The following HTT variants were observed in gnomAD, a reference collection of about 807,000 sequenced individuals.
HTT encodes huntingtin.
In HTT, 104 loss-of-function variants were observed where a neutral mutation model predicts 362.3. The observed-to-expected ratio is 0.29, with a 90% CI of 0.24 to 0.34. HTT has a LOEUF of 0.34. HTT is among the 10% of genes least tolerant of loss of function. HTT has a pLI of 1.00. For synonymous variants in HTT, 1,577 were observed against 1,548.7 expected (o/e 1.02, Z -0.43); for missense variants, 3,301 against 3,928.6 (o/e 0.84, Z 4.27).
chr4:3,189,644 A>G (rs1718924626), intron 40 of HTT, among the ~76,000 whole-genome samples: 3 of 152,196 alleles, frequency 2.0e-5, no homozygotes, highest in African/African-American at 7.2e-5. Context: ...TTTTTACAAG[A>G]TGAAGAGAGT....
intron 26 of HTT, among the ~76,000 whole-genome samples, chr4:3,153,962 G>A (rs535101366): frequency 2.0e-5 from 3 of 152,124 alleles, no homozygotes; most frequent in East Asian, 1.9e-4. Flanking sequence ...ATGTCATGGC[G>A]TCATGGCCAA....
intron 28 of HTT, among the ~76,000 whole-genome samples, chr4:3,158,186 G>A (rs1717253093): frequency 6.6e-6 from 1 of 152,098 alleles, no homozygotes; most frequent in Non-Finnish European, 1.5e-5. Context: ...GTCTCCCTAA[G>A]TTGCCTGGGC....
chr4:3,161,101 G>A lies in HTT; in HGVS notation c.3864+709G>A, dbSNP rs966393114. The stretch of plus-strand genomic sequence containing the variant: ...CCTCACTCCCCATGGGCCCCGGTGT[G>A]TGATGTTCTCCTCCCTGTGCCCATG... On this transcript the variant is annotated intron_variant, in intron 29 of 66. Transcript: ENST00000355072. Among the ~76,000 whole-genome samples, 3 of 152,158 alleles carry A rather than the reference G, an allele frequency of 2.0e-5. No individual in the cohort carries two copies. The South Asian group carries it at 6.2e-4, about 32-fold the overall frequency.
At chr4:3,143,606 T>A (rs988316603) in intron 23 of HTT, among the ~76,000 whole-genome samples, 16 of 150,272 alleles carry the variant, frequency 1.1e-4, no homozygotes, top group African/African-American at 3.7e-4. Flanking sequence ...TTTTTAATTT[T>A]ATTATTTTTT....
Position 3,216,791 on chromosome 4 carries a change from C to T in HTT, c.7055-974C>T, listed in dbSNP as rs535687824. 4.5e-4 allele frequency among the ~76,000 whole-genome samples: 69 copies of T among 152,096 alleles called. 1 individual carries two copies. The Middle Eastern group carries it at 0.01, about 23-fold the overall frequency. On this transcript the variant is annotated intron_variant, in intron 51 of 66. Transcript: ENST00000355072. Reference sequence around the variant, plus strand: ...CTGTAATCCCAGCACTTTGGGAGGCCGAGGCGGGCGGATCACGAGGTCAGG... The same window carrying T: ...CTGTAATCCCAGCACTTTGGGAGGCTGAGGCGGGCGGATCACGAGGTCAGG...
At chr4:3,237,729 C>A (rs1721607164) in intron 64 of HTT, among the ~76,000 whole-genome samples, 1 of 152,154 alleles carries the variant, frequency 6.6e-6, no homozygotes. Flanking sequence ...TTCGTAGCTG[C>A]TTCCCGTGTG....
In HTT at chr4:3,224,128, A is replaced by G; in HGVS notation, c.7762A>G (p.Thr2588Ala). The stretch of plus-strand genomic sequence containing the variant: ...TGTCCCTTCTCTGTCTCCGGCTACT[A>G]CAGGTACCTGAGGGAAAGGGTGCGG... ...DPVPSLSPAT[T>A]GALISHEKLL... Residue 2588 changes from threonine to alanine, a missense_variant, in exon 56 of 67, where the codon ACA (threonine) becomes GCA (alanine). Physicochemically the swap from Thr to Ala is moderately conservative, Grantham distance 58. Transcript: ENST00000355072. The G allele has an allele frequency of 6.2e-7, 1 of 1,613,882 alleles. No homozygotes were observed. The highest frequency in any genetic ancestry group is 8.5e-7 in the Non-Finnish European group (1 of 1,179,824).
intron 1 of HTT, among the ~76,000 whole-genome samples, chr4:3,079,223 A>C (rs1712752938): frequency 6.7e-6 from 1 of 148,844 alleles, no homozygotes; most frequent in African/African-American, 2.5e-5. Context: ...TACGGTGTTC[A>C]GGGAAGGTCC....
Position 3,189,045 on chromosome 4 carries a change from C to G in HTT, c.5320C>G (p.Gln1774Glu). The G allele has an allele frequency of 1.9e-6, 3 of 1,614,074 alleles. No homozygotes were observed. The highest frequency in any genetic ancestry group is 2.5e-6 in the Non-Finnish European group (3 of 1,179,962). Residue 1774 changes from glutamine (Q) to glutamate (E), a missense_variant, in exon 40 of 67, where the codon CAG (glutamine) becomes GAG (glutamate). Physicochemically the swap from Gln to Glu is conservative, Grantham distance 29. This residue lies in a region of HTT where 2,316 missense variants were observed against 2,658.5 expected (regional missense o/e 0.87). Coordinates refer to ENST00000355072, the MANE Select transcript of HTT (RefSeq NM_001388492.1). ...TGAGCAGCAACATACTTTCTATTGC[C>G]AGGAACTAGGCACACTGCTAATGTG... ...MSEQQHTFYCQELGTLLMCLI... is the reference protein window; with the variant it reads ...MSEQQHTFYCEELGTLLMCLI...
chr4:3,141,549 G>GC (rs1386065665), intron 22 of HTT, among the ~76,000 whole-genome samples: 1 of 152,234 alleles, frequency 6.6e-6, no homozygotes, highest in Non-Finnish European at 1.5e-5. Flanking sequence ...GGTCGCTTGA[G>GC]CTCAGGGGTT....
At chr4:3,219,218 A>G (rs915026905) in intron 52 of HTT, among the ~76,000 whole-genome samples, 1 of 152,160 alleles carries the variant, frequency 6.6e-6, no homozygotes, top group African/African-American at 2.4e-5. Flanking sequence ...CTTGGTGCAC[A>G]GCGAGTCACT....
chr4:3,156,086 C>T (rs1332854060), intron 27 of HTT, among the ~76,000 whole-genome samples: 1 of 152,068 alleles, frequency 6.6e-6, no homozygotes, highest in African/African-American at 2.4e-5. Flanking sequence ...GAACTCATTC[C>T]TCCTGTCTAT....
chr4:3,207,037 A>G, intron 44 of HTT, 54 bp downstream of exon 44: 1 of 1,519,406 alleles, frequency 6.6e-7, no homozygotes. Flanking sequence ...TAGCAGGCCA[A>G]GCAAAACAGG....
At chr4:3,233,395 A>G in intron 61 of HTT, 42 bp downstream of exon 61, 1 of 1,553,338 alleles carries the variant, frequency 6.4e-7, no homozygotes, top group Non-Finnish European at 8.8e-7. Flanking sequence ...GGGTCTCAGA[A>G]TGAGCTGTGA....
intron 3 of HTT, among the ~76,000 whole-genome samples, chr4:3,101,520 C>T (rs899450755): frequency 1.1e-4 from 17 of 152,354 alleles, no homozygotes; most frequent in East Asian, 3.9e-4. Flanking sequence ...TGGGAGAGCA[C>T]GTGTGACCCC....
Position 3,186,842 on chromosome 4 carries a change from T to TG in HTT, c.4989+123_4989+124insG. The TG allele has an allele frequency of 6.1e-6, 3 of 494,308 alleles. No homozygotes were observed. The South Asian group carries it at 1.4e-4, about 23-fold the overall frequency. 30.6% of individuals were successfully genotyped at this position (494,308 alleles called of 1,614,324 possible). A position where few individuals can be genotyped will look rare whatever the true frequency, so the allele number is the denominator to read the frequency against. On this transcript the variant is annotated intron_variant, in intron 38 of 66. Transcript: ENST00000355072. ...GTAGGGCTTCTTGAGAGTTTGCTTTTTTTTTTTTTTTTTTTTTTGGTGTGG... is the reference window on the plus strand; with the variant it reads ...GTAGGGCTTCTTGAGAGTTTGCTTTTGTTTTTTTTTTTTTTTTTTGGTGTGG...
At chr4:3,176,025 G>GTTT (rs777646822) in intron 33 of HTT, among the ~76,000 whole-genome samples, 33 of 139,192 alleles carry the variant, frequency 2.4e-4, no homozygotes, top group African/African-American at 5.0e-4. Context: ...GTTGTTGTTT[G>GTTT]TTTTTTTTTG....
intron 2 of HTT, among the ~76,000 whole-genome samples, chr4:3,090,113 T>TG (rs963464144): frequency 9.9e-5 from 15 of 152,254 alleles, no homozygotes; most frequent in African/African-American, 3.6e-4. Context: ...ATTAAACTTT[T>TG]GGAACTTTTT....
At chr4:3,152,282 T>G (rs1716933719) in intron 26 of HTT, among the ~76,000 whole-genome samples, 1 of 152,012 alleles carries the variant, frequency 6.6e-6, no homozygotes, top group African/African-American at 2.4e-5. Flanking sequence ...GTATTTTTAG[T>G]AGAGACGGGG....
Sources: allele counts gnomAD v4.1 joint callset (sites outside exome capture counted in the v4.1 genomes callset), GRCh38; gene constraint gnomAD v4.1.1; regional missense constraint gnomAD v4.1.1; transcripts MANE v1.5; gene names NCBI Gene and HGNC (gene_info 2026-07-23, HGNC 2026-07-21).